Variants in SLC30A7 observed in about 807,000 individuals in gnomAD.
The protein encoded by SLC30A7 is solute carrier family 30 member 7, also known as zinc transporter 7.
Under a neutral mutation model 46.0 loss-of-function variants are expected in SLC30A7, and 35 were observed. The observed-to-expected ratio is 0.76, with a 90% CI of 0.58 to 1.01. The LOEUF (loss-of-function observed/expected upper bound fraction) is 1.01, where lower values mean the gene tolerates loss of function less well. Among genes scored for constraint, SLC30A7 ranks in the 50% least tolerant of loss-of-function variants. The probability of loss-of-function intolerance (pLI) is 0.00; values close to 1 mark genes in which losing one functional copy is unlikely to be tolerated. For synonymous variants in SLC30A7, 147 were observed against 157.8 expected, an observed-to-expected ratio of 0.93 and a Z score of 0.51; for missense variants, 464 against 451.1, an observed-to-expected ratio of 1.03 and a Z score of -0.26.
chr1:100,915,188 C>CTTTCT (rs1553236556), intron 6 of SLC30A7, among the ~76,000 whole-genome samples: 2,394 of 123,698 alleles, frequency 0.019, 85 homozygotes, highest in East Asian at 0.093. Flanking sequence ...CTTTTCTTTT[C>CTTTCT]TTTCTTTTCT....
intron 6 of SLC30A7, among the ~76,000 whole-genome samples, chr1:100,915,408 G>A (rs181182459): frequency 6.6e-6 from 1 of 151,940 alleles, no homozygotes; most frequent in Non-Finnish European, 1.5e-5. Context: ...CTGAAACTTT[G>A]TACCCTTTGA....
chr1:100,961,282 T>C (rs563774486), intron 8 of SLC30A7, among the ~76,000 whole-genome samples: 2 of 152,244 alleles, frequency 1.3e-5, no homozygotes, highest in East Asian at 3.9e-4. Flanking sequence ...CATTTAATCA[T>C]CCAAATAGCC....
intron 8 of SLC30A7, among the ~76,000 whole-genome samples, chr1:100,928,638 A>G (rs949969401): frequency 3.3e-5 from 5 of 152,022 alleles, no homozygotes; most frequent in African/African-American, 1.2e-4. Context: ...TGTATTATGC[A>G]TATGACATAT....
Position 100,906,928 on chromosome 1 carries a change from A to G in SLC30A7, c.259A>G (p.Ile87Val). Residue 87 changes from isoleucine to valine, a missense_variant, in exon 3 of 11, where the codon ATT becomes GTT. Ile to Val is a conservative substitution (Grantham distance 29). Transcript: ENST00000357650. ...TTTGGCTGGACTGGCAGCTTCTGTT[A>G]TTTCAAAATGGAGAGATAATGATGC... is the stretch of plus-strand genomic sequence containing the variant. ...AILAGLAASV[I>V]SKWRDNDAFS... 1 of 1,613,208 alleles carries G rather than the reference A, an allele frequency of 6.2e-7. No homozygotes were observed. Among genetic ancestry groups the G allele is most frequent in the Non-Finnish European group, 8.5e-7 (1 of 1,179,330 alleles).
chr1:100,950,946 T>A (rs1247127043), intron 8 of SLC30A7, among the ~76,000 whole-genome samples: 8 of 152,106 alleles, frequency 5.3e-5, no homozygotes. Context: ...TCAGTGTCAA[T>A]TAAGTTACCA....
At chr1:100,914,052 TATTTTTA>T (rs1461613739) in intron 6 of SLC30A7, among the ~76,000 whole-genome samples, 1 of 152,236 alleles carries the variant, frequency 6.6e-6, no homozygotes, top group Non-Finnish European at 1.5e-5. Flanking sequence ...TTTATGTATT[TATTTTTA>T]ATTTTTAATT....
intron 8 of SLC30A7, among the ~76,000 whole-genome samples, chr1:100,925,794 G>A (rs1273517605): frequency 1.3e-5 from 2 of 152,168 alleles, no homozygotes; most frequent in African/African-American, 4.8e-5. Context: ...TTGATATGGA[G>A]AGTTCAAATA....
At chr1:100,904,969 C>T (rs998087322) in intron 2 of SLC30A7, among the ~76,000 whole-genome samples, 5 of 152,108 alleles carry the variant, frequency 3.3e-5, no homozygotes, top group South Asian at 2.1e-4. Context: ...CTTTCCTTCT[C>T]CATTCTCAGT....
chr1:100,961,728 T>G, intron 8 of SLC30A7, 100 bp from the exon 9 acceptor site: 2 of 570,940 alleles, frequency 3.5e-6, no homozygotes, highest in South Asian at 6.0e-5. Flanking sequence ...TTCCCGTAAG[T>G]CCTATTATAT....
At chr1:100,958,102 T>C (rs893034664) in intron 8 of SLC30A7, among the ~76,000 whole-genome samples, 1 of 152,186 alleles carries the variant, frequency 6.6e-6, no homozygotes, top group African/African-American at 2.4e-5. Flanking sequence ...TCATTTTTTT[T>C]CTCTTTCTCC....
chr1:100,923,044 G>A (rs1570535479), intron 8 of SLC30A7, among the ~76,000 whole-genome samples: 1 of 74,280 alleles, frequency 1.3e-5, no homozygotes, highest in Non-Finnish European at 2.5e-5. Flanking sequence ...TTGAGACGGA[G>A]TCTCGCTGTC....
chr1:100,964,201 A>C (rs1655704300), intron 9 of SLC30A7, among the ~76,000 whole-genome samples: 1 of 144,228 alleles, frequency 6.9e-6, no homozygotes, highest in African/African-American at 2.8e-5. Flanking sequence ...AGGTAGCATC[A>C]ATCAGCATAA....
intron 9 of SLC30A7, among the ~76,000 whole-genome samples, chr1:100,962,903 G>C (rs1558006541): frequency 6.6e-6 from 1 of 152,122 alleles, no homozygotes; most frequent in Non-Finnish European, 1.5e-5. Flanking sequence ...TATGTTTTTG[G>C]GAGTGGATTA....
chr1:100,993,709 T>A, the SLC30A7 span, among the ~76,000 whole-genome samples: 18 of 150,242 alleles, frequency 1.2e-4, no homozygotes, highest in Non-Finnish European at 2.2e-4. Flanking sequence ...AGAATCAAGT[T>A]TTCTAGTAGC....
intron 2 of SLC30A7, among the ~76,000 whole-genome samples, chr1:100,906,046 C>T (rs920196683): frequency 5.3e-5 from 8 of 152,062 alleles, no homozygotes; most frequent in South Asian, 2.1e-4. Flanking sequence ...ATGGGACTTT[C>T]GAAACTATTT....
At chr1:100,918,689 C>T (rs2101028580) in intron 7 of SLC30A7, among the ~76,000 whole-genome samples, 1 of 152,268 alleles carries the variant, frequency 6.6e-6, no homozygotes, top group South Asian at 2.1e-4. Flanking sequence ...CATTAGCCTA[C>T]AGTTGGGCAA....
chr1:100,965,364 T>C (rs1655804844), intron 9 of SLC30A7, among the ~76,000 whole-genome samples: 1 of 152,258 alleles, frequency 6.6e-6, no homozygotes, highest in East Asian at 1.9e-4. Context: ...TTTCCTGATC[T>C]TCAGGGAATA....
At chr1:100,965,176 T>C (rs557060740) in intron 9 of SLC30A7, among the ~76,000 whole-genome samples, 21 of 152,316 alleles carry the variant, frequency 1.4e-4, no homozygotes, top group African/African-American at 4.8e-4. Flanking sequence ...TTTCTGGAGA[T>C]AGGTAGTTAA....
At chr1:100,920,717 A>T (rs1228046698) in intron 7 of SLC30A7, among the ~76,000 whole-genome samples, 1 of 152,030 alleles carries the variant, frequency 6.6e-6, no homozygotes, top group Non-Finnish European at 1.5e-5. Context: ...ACCTAAAAAT[A>T]ATTACAGTTC....
Sources: gnomAD v4.1 joint callset for allele counts (sites outside exome capture counted in the v4.1 genomes callset) on GRCh38, gnomAD v4.1.1 for gene constraint, MANE v1.5 for transcripts, NCBI Gene and HGNC (gene_info 2026-07-23, HGNC 2026-07-21) for gene names.